Variants in IREB2 observed in about 807,000 individuals in gnomAD.
IREB2 encodes iron-responsive element-binding protein 2.
Under a neutral mutation model 118.8 loss-of-function variants are expected in IREB2, and 39 were observed. The observed-to-expected ratio is 0.33, with a 90% CI of 0.25 to 0.43. The LOEUF is 0.43. Ranked by LOEUF, IREB2 falls within the 20% of genes least tolerant of loss-of-function variation. IREB2 has a pLI of 1.00. For missense variants in IREB2, 900 were observed against 1,147.3 expected (o/e 0.78, Z 3.11); for synonymous variants, 372 against 392.2 (o/e 0.95, Z 0.61).
chr15:78,486,584 G>A (rs1045350124), intron 13 of IREB2, among the ~76,000 whole-genome samples: 5 of 152,088 alleles, frequency 3.3e-5, no homozygotes, highest in Admixed American at 6.5e-5. Flanking sequence ...CAGCCTGGGC[G>A]ACAGAGCGAG....
At chr15:78,483,886 G>A (rs1231604804) in intron 11 of IREB2, among the ~76,000 whole-genome samples, 1 of 150,528 alleles carries the variant, frequency 6.6e-6, no homozygotes, top group Non-Finnish European at 1.5e-5. Context: ...CCGGGCTCAA[G>A]CGATTCTCCT....
intron 10 of IREB2, among the ~76,000 whole-genome samples, chr15:78,482,707 A>G: frequency 6.6e-6 from 1 of 152,192 alleles, no homozygotes; most frequent in Non-Finnish European, 1.5e-5. Flanking sequence ...GACATCTGTT[A>G]AGACAGTGTT....
Position 78,447,078 on chromosome 15 carries a change from C to G in IREB2, c.106+7197C>G, listed in dbSNP as rs374496602. Among the ~76,000 whole-genome samples the G allele has an allele frequency of 9.2e-5, 14 of 152,194 alleles. No individual in the cohort carries two copies. In the East Asian group the frequency reaches 2.1e-3, roughly 23 times the overall value. On this transcript the variant is annotated intron_variant, in intron 2 of 21. Coordinates refer to ENST00000258886, the MANE Select transcript of IREB2 (RefSeq NM_004136.4). ...AGGGGATCTGAGTGCGTGGTCAGAT[C>G]AGACTCTTTGTTCCCTTCAGTAGGC...
At chr15:78,444,111 G>C (rs772712799) in intron 2 of IREB2, among the ~76,000 whole-genome samples, 36 of 152,204 alleles carry the variant, frequency 2.4e-4, no homozygotes, top group Admixed American at 4.6e-4. Context: ...TGGCTGGAGT[G>C]CTCTGACATG....
At chr15:78,475,332 A>G (rs2051450830) in intron 8 of IREB2, 1 of 152,194 alleles carries the variant, frequency 6.6e-6, no homozygotes, top group Non-Finnish European at 1.5e-5. Flanking sequence ...CAAGAAAAAT[A>G]ATTTTAGAAG....
At chr15:78,447,703 GC>G (rs1317375034) in intron 2 of IREB2, among the ~76,000 whole-genome samples, 5 of 152,066 alleles carry the variant, frequency 3.3e-5, no homozygotes, top group African/African-American at 1.2e-4. Context: ...TCCTGCCTTG[GC>G]CTCCCAGTGT....
intron 5 of IREB2, among the ~76,000 whole-genome samples, chr15:78,467,802 G>A (rs376077722): frequency 5.6e-4 from 85 of 152,218 alleles, no homozygotes; most frequent in Non-Finnish European, 9.7e-4. Context: ...GCCCATGCTG[G>A]TCTCAAACTC....
chr15:78,443,553 G>A (rs2050878946), intron 2 of IREB2, among the ~76,000 whole-genome samples: 1 of 152,136 alleles, frequency 6.6e-6, no homozygotes, highest in Non-Finnish European at 1.5e-5. Context: ...GCACATCTTA[G>A]ACATTGATTA....
chr15:78,450,000 GAA>G (rs1457629479), intron 2 of IREB2, among the ~76,000 whole-genome samples: 4 of 152,142 alleles, frequency 2.6e-5, no homozygotes, highest in African/African-American at 9.7e-5. Flanking sequence ...TGGATTCATA[GAA>G]TTCTAGAAAT....
At chr15:78,473,402 C>T (rs2051412229) in intron 8 of IREB2, 21 bp downstream of exon 8, 1 of 1,599,084 alleles carries the variant, frequency 6.3e-7, no homozygotes, top group Admixed American at 1.7e-5. Flanking sequence ...GTTGTGGTAG[C>T]TCTATGACTT....
chr15:78,490,931 G>C (rs2051741183), intron 18 of IREB2, among the ~76,000 whole-genome samples, 170 bp downstream of exon 18: 1 of 151,910 alleles, frequency 6.6e-6, no homozygotes, highest in Non-Finnish European at 1.5e-5. Context: ...TGGGGAGGCG[G>C]GGGGTACCTT....
intron 16 of IREB2, among the ~76,000 whole-genome samples, chr15:78,489,090 C>T (rs1331910513): frequency 2.0e-5 from 3 of 152,034 alleles, no homozygotes; most frequent in Non-Finnish European, 2.9e-5. Flanking sequence ...GGCTTGGTGG[C>T]GCATGCCTGT....
rs146949380 is a variant in IREB2 at position 78,478,323 on chromosome 15, A to T, written c.1222A>T (p.Met408Leu). ...TTTTAGCAAAGCCAAACTCGAATCA[A>T]TGGAAACATACCTTAAAGCTGTGAA... ...TGFSKAKLES[M>L]ETYLKAVKLF... The change falls in exon 10 of 22, where the codon ATG (methionine) becomes TTG (leucine). Residue 408 changes from methionine (M) to leucine (L), a missense_variant. By Grantham distance (15) the Met-to-Leu change is conservative (BLOSUM62 2). Transcript: ENST00000258886. 1 of 1,613,386 alleles carries T rather than the reference A, an allele frequency of 6.2e-7. No homozygotes were observed. The highest frequency in any genetic ancestry group is 1.1e-5 in the South Asian group (1 of 91,016).
intron 2 of IREB2, among the ~76,000 whole-genome samples, chr15:78,448,301 C>T (rs1019790686): frequency 4.6e-5 from 7 of 152,014 alleles, no homozygotes; most frequent in Admixed American, 1.3e-4. Context: ...CACGCCACCA[C>T]GCCCGGCTGA....
chr15:78,496,348 A>G (rs1191979020), intron 20 of IREB2, among the ~76,000 whole-genome samples: 1 of 151,068 alleles, frequency 6.6e-6, no homozygotes, highest in Non-Finnish European at 1.5e-5. Flanking sequence ...GCTCCCTGCA[A>G]CCTCCACTTA....
chr15:78,494,513 TA>T (rs2051807039), intron 20 of IREB2, among the ~76,000 whole-genome samples: 1 of 152,224 alleles, frequency 6.6e-6, no homozygotes, highest in Non-Finnish European at 1.5e-5. Flanking sequence ...GTCAGTATAA[TA>T]GAGGGAAAGG....
At chr15:78,455,588 G>GA (rs910252364) in intron 2 of IREB2, among the ~76,000 whole-genome samples, 1 of 147,830 alleles carries the variant, frequency 6.8e-6, no homozygotes. Flanking sequence ...AAGAAAAAAA[G>GA]AAAAAAACCA....
chr15:78,489,083 T>C (rs2051707420), intron 16 of IREB2, among the ~76,000 whole-genome samples: 1 of 151,936 alleles, frequency 6.6e-6, no homozygotes. Flanking sequence ...TTAGCCAGGC[T>C]TGGTGGCGCA....
At chr15:78,465,496 A>C in intron 4 of IREB2, 108 bp downstream of exon 4, 5 of 1,061,146 alleles carry the variant, frequency 4.7e-6, no homozygotes, top group Non-Finnish European at 6.7e-6. Context: ...AAAGTATGCT[A>C]AATTTAGTAT....
Sources: allele counts gnomAD v4.1 joint callset (sites outside exome capture counted in the v4.1 genomes callset), GRCh38; gene constraint gnomAD v4.1.1; transcripts MANE v1.5; gene names NCBI Gene and HGNC (gene_info 2026-07-23, HGNC 2026-07-21).